The following COX7B2 variants were observed in gnomAD, a reference collection of about 807,000 sequenced individuals.
The protein encoded by COX7B2 is cytochrome c oxidase subunit 7B2, also known as cytochrome c oxidase subunit 7B2, mitochondrial.
For missense variants in COX7B2, 109 were observed against 95.9 expected (o/e 1.14, Z -0.57); for synonymous variants, 37 against 32.1 (o/e 1.15, Z -0.51).
intron 2 of COX7B2, among the ~76,000 whole-genome samples, chr4:46,811,251 G>A (rs1037800944): frequency 5.3e-5 from 8 of 151,040 alleles, no homozygotes; most frequent in Non-Finnish European, 1.0e-4. Context: ...CTGTTCCTTT[G>A]TCTTTCTCTT....
intron 2 of COX7B2, among the ~76,000 whole-genome samples, chr4:46,789,981 G>T (rs1180183408): frequency 6.6e-6 from 1 of 150,762 alleles, no homozygotes; most frequent in Non-Finnish European, 1.5e-5. Context: ...ATTTTTTTCT[G>T]TCAAAAAATT....
chr4:46,899,486 G>A (rs1201223213), intron 1 of COX7B2, among the ~76,000 whole-genome samples: 1 of 152,094 alleles, frequency 6.6e-6, no homozygotes, highest in African/African-American at 2.4e-5. Flanking sequence ...AAATCTAAAT[G>A]CACTTCAAGA....
intron 2 of COX7B2, among the ~76,000 whole-genome samples, chr4:46,833,145 T>C (rs1715275406): frequency 6.6e-6 from 1 of 152,178 alleles, no homozygotes; most frequent in South Asian, 2.1e-4. Flanking sequence ...CCTCAGGTGA[T>C]CCACCCACCT....
intron 1 of COX7B2, among the ~76,000 whole-genome samples, chr4:46,846,691 G>GTAA (rs1350618427): frequency 1.3e-5 from 2 of 151,940 alleles, no homozygotes; most frequent in African/African-American, 4.8e-5. Flanking sequence ...GGCTAGAGAA[G>GTAA]TAACAAAAAA....
intron 2 of COX7B2, among the ~76,000 whole-genome samples, chr4:46,757,845 C>T (rs1405821704): frequency 3.3e-5 from 5 of 151,970 alleles, no homozygotes; most frequent in East Asian, 1.9e-4. Flanking sequence ...AGAAGAAAGG[C>T]AATTATAACC....
At chr4:46,751,013 A>G (rs905064482) in intron 2 of COX7B2, among the ~76,000 whole-genome samples, 1 of 152,208 alleles carries the variant, frequency 6.6e-6, no homozygotes, top group African/African-American at 2.4e-5. Flanking sequence ...ACAATGAACT[A>G]TAAAGCTTTC....
At chr4:46,779,024 C>A (rs1382482574) in intron 2 of COX7B2, among the ~76,000 whole-genome samples, 23 of 152,138 alleles carry the variant, frequency 1.5e-4, no homozygotes, top group Admixed American at 1.4e-3. Flanking sequence ...TGATACAATT[C>A]TTTTGACAAA....
intron 2 of COX7B2, among the ~76,000 whole-genome samples, chr4:46,748,236 CA>C (rs1280920721): frequency 2.0e-5 from 3 of 152,238 alleles, no homozygotes; most frequent in Non-Finnish European, 1.5e-5. Context: ...ACAATTGTCA[CA>C]AATTATCTTA....
At chr4:46,755,690 A>T (rs1434004987) in intron 2 of COX7B2, among the ~76,000 whole-genome samples, 2 of 152,110 alleles carry the variant, frequency 1.3e-5, no homozygotes, top group Admixed American at 6.6e-5. Context: ...GCTAAGGACC[A>T]AATCAAGAAG....
chr4:46,774,476 T>C (rs908379360), intron 2 of COX7B2, among the ~76,000 whole-genome samples: 1 of 152,108 alleles, frequency 6.6e-6, no homozygotes, highest in African/African-American at 2.4e-5. Flanking sequence ...AGTCCTATTA[T>C]ATTGGCATCA....
At chr4:46,831,028 G>A (rs1715049183) in intron 2 of COX7B2, among the ~76,000 whole-genome samples, 1 of 152,306 alleles carries the variant, frequency 6.6e-6, no homozygotes. Context: ...TCAGCCTGTG[G>A]GGAGGTGTGG....
At chr4:46,805,142 G>A (rs1214136007) in intron 2 of COX7B2, among the ~76,000 whole-genome samples, 5 of 152,194 alleles carry the variant, frequency 3.3e-5, no homozygotes, top group African/African-American at 9.6e-5. Flanking sequence ...TCCAAGCACC[G>A]GGCAGCCCCA....
intron 2 of COX7B2, among the ~76,000 whole-genome samples, chr4:46,788,459 T>C (rs1383957312): frequency 6.6e-6 from 1 of 152,152 alleles, no homozygotes; most frequent in East Asian, 1.9e-4. Context: ...CATTTCTCAG[T>C]TAAAAAAATC....
intron 2 of COX7B2, among the ~76,000 whole-genome samples, chr4:46,796,005 T>C (rs1263491000): frequency 1.2e-5 from 1 of 85,666 alleles, no homozygotes; most frequent in Non-Finnish European, 2.3e-5. Context: ...TCTGTTTGTC[T>C]GTTGTTGGTG....
rs199803788 is a variant in COX7B2, at chr4:46,854,936, GATT to G, written c.-104-9925_-104-9923del. On this transcript the variant is annotated intron_variant, in intron 1 of 2. Coordinates refer to ENST00000355591, the MANE Select transcript of COX7B2 (RefSeq NM_130902.3). Reference sequence around the variant, plus strand: ...AGCTAAGAGTGATATCAAGTTATCAGATTATATTTTTTCTTTTGTCATTATGTA... The same window carrying G: ...AGCTAAGAGTGATATCAAGTTATCAGATATTTTTTCTTTTGTCATTATGTA... Among the ~76,000 whole-genome samples the G allele has an allele frequency of 7.8e-3, 1,182 of 152,174 alleles. 19 individuals carry two copies. Among genetic ancestry groups the G allele is most frequent in the African/African-American group, 0.027 (1,137 of 41,532 alleles).
intron 2 of COX7B2, among the ~76,000 whole-genome samples, chr4:46,771,648 C>A (rs1716885301): frequency 6.6e-6 from 1 of 151,840 alleles, no homozygotes; most frequent in African/African-American, 2.4e-5. Flanking sequence ...TTTTTGAGTG[C>A]CAACATCATA....
chr4:46,783,711 A>G (rs1437120778), intron 2 of COX7B2, among the ~76,000 whole-genome samples: 3 of 152,332 alleles, frequency 2.0e-5, no homozygotes, highest in Middle Eastern at 3.4e-3. Context: ...AATGATATGA[A>G]CAAAAGTCAA....
intron 2 of COX7B2, among the ~76,000 whole-genome samples, chr4:46,803,372 A>G (rs1577722812): frequency 2.0e-5 from 3 of 152,264 alleles, no homozygotes; most frequent in South Asian, 2.1e-4. Flanking sequence ...AAAATTTGGG[A>G]TATAATTATA....
chr4:46,879,025 T>C (rs1374490345), intron 1 of COX7B2, among the ~76,000 whole-genome samples: 2 of 152,342 alleles, frequency 1.3e-5, no homozygotes, highest in East Asian at 3.9e-4. Context: ...ACTTGACACT[T>C]TTCTGACTGA....
Sources: allele counts gnomAD v4.1 joint callset (sites outside exome capture counted in the v4.1 genomes callset), GRCh38; gene constraint gnomAD v4.1.1; transcripts MANE v1.5; gene names NCBI Gene and HGNC (gene_info 2026-07-23, HGNC 2026-07-21).